Variants in APRT observed in about 807,000 individuals in gnomAD.
APRT encodes the protein AMP diphosphorylase.
A neutral mutation model predicts 21.0 loss-of-function variants in APRT; 25 were observed. The ratio of observed to expected loss-of-function variants is 1.19; its 90% confidence interval spans 0.87 to 1.66. The LOEUF (loss-of-function observed/expected upper bound fraction) is 1.66. APRT is among the 40% of genes most tolerant of loss of function. APRT has a pLI of 0.00. For synonymous variants in APRT, 153 were observed against 109.0 expected, an observed-to-expected ratio of 1.40 and a Z score of -2.52; for missense variants, 294 against 232.7, an observed-to-expected ratio of 1.26 and a Z score of -1.72.
chr16:88,810,130 T>G lies in APRT; in HGVS notation c.340A>C (p.Lys114Gln). Reference protein sequence around the residue: ...EYGKAELEIQKDALEPGQRVV... With the variant: ...EYGKAELEIQQDALEPGQRVV... ...CTCTGTCCTGGCTCCAGGGCGTCTT[T>G]CTGAATCTCCAGCTCAGCCTGGAGT... The change falls in exon 4 of 5, where the codon AAA (lysine) becomes CAA (glutamine). Residue 114 changes from lysine to glutamine, a missense_variant. Coordinates refer to ENST00000378364, the MANE Select transcript of APRT (RefSeq NM_000485.3). The G allele has an allele frequency of 6.2e-7, 1 of 1,613,214 alleles. No individual in the cohort carries two copies. The highest frequency in any genetic ancestry group is 8.5e-7 in the Non-Finnish European group (1 of 1,180,010).
chr16:88,811,786 GTC>G, intron 1 of APRT, 32 bp downstream of exon 1: 1 of 1,537,764 alleles, frequency 6.5e-7, no homozygotes, highest in South Asian at 1.2e-5. Context: ...AGGCCCGCAG[GTC>G]GGGGCGCCAC....
intron 2 of APRT, 56 bp from the exon 3 acceptor site, chr16:88,810,612 G>T: frequency 1.3e-6 from 2 of 1,593,246 alleles, no homozygotes; most frequent in Middle Eastern, 3.4e-4. Flanking sequence ...CAGGGGCCAG[G>T]GTTGGCCGGT....
At chr16:88,811,526 T>C (rs955359212) in intron 2 of APRT, 24 bp downstream of exon 2, 8 of 1,564,358 alleles carry the variant, frequency 5.1e-6, no homozygotes, top group Non-Finnish European at 6.9e-6. Context: ...GGAAGCGCCC[T>C]AGATGCGGCC....
rs190222469 is a variant in APRT, at chr16:88,809,454, G to A, written c.*244C>T. On this transcript the variant is annotated 3_prime_UTR_variant, in exon 5 of 5. Transcript: ENST00000378364. ...GGCTCCCTGCCCTGGGGAACAGGAG[G>A]ACAGGAGACGGCTCTTGTGGGAAAG... 4 of 646,520 alleles carry A rather than the reference G, an allele frequency of 6.2e-6. No individual in the cohort carries two copies. The highest frequency in any genetic ancestry group is 5.4e-5 in the African/African-American group (3 of 56,032). The allele number at this position is 646,520 out of a possible 1,614,324, so 40.0% of individuals were successfully genotyped here.
chr16:88,810,650 C>G, intron 2 of APRT, 94 bp from the exon 3 acceptor site: 1 of 1,471,982 alleles, frequency 6.8e-7, no homozygotes, highest in East Asian at 2.4e-5. Context: ...TGGCTCCCAG[C>G]TGAAAGGCCA....
rs1231847220 is a variant in APRT at position 88,811,570 on chromosome 16, C to G, written c.167G>C (p.Gly56Ala). The change falls in exon 2 of 5, where the codon GGC becomes GCC. Residue 56 changes from glycine (G) to alanine (A), a missense_variant. Gly to Ala is a moderately conservative substitution (Grantham distance 60). Coordinates refer to ENST00000378364, the MANE Select transcript of APRT (RefSeq NM_000485.3). ...CTCGCCTGCGATGTAGTCGATGCGG[C>G]CCCCGTGGGTCGCCTTCAGGTGTCG... The part of the protein sequence containing the change: ...LARHLKATHG[G>A]RIDYIAGLDS... The G allele has an allele frequency of 1.3e-6, 2 of 1,599,628 alleles. No individual in the cohort carries two copies. Among genetic ancestry groups the G allele is most frequent in the African/African-American group, 1.3e-5 (1 of 74,782 alleles).
chr16:88,809,480 C>G lies in APRT; in HGVS notation c.*218G>C. 2 of 747,490 alleles carry G rather than the reference C, an allele frequency of 2.7e-6. No homozygotes were observed. The highest frequency in any genetic ancestry group is 4.6e-6 in the Non-Finnish European group (2 of 435,484). 46.3% of individuals were successfully genotyped at this position (747,490 alleles called of 1,614,324 possible). On this transcript the variant is annotated 3_prime_UTR_variant, in exon 5 of 5. Transcript: ENST00000378364. Reference sequence around the variant, plus strand: ...ACAGGAGACGGCTCTTGTGGGAAAGCTGTTTACTGCGTTCTCCCGCTGTGT... The same window carrying G: ...ACAGGAGACGGCTCTTGTGGGAAAGGTGTTTACTGCGTTCTCCCGCTGTGT...
At position 88,809,695 on chromosome 16, in the gene APRT, T is replaced by C. The variant is rs2070256; in HGVS notation, c.*3A>G. The C allele has an allele frequency of 9.9e-3, 16,039 of 1,613,260 alleles. 1,337 individuals are homozygous for C. The African/African-American group carries it at 0.19, about 19-fold the overall frequency. ...GGAGATGTTGGGCTGGGAGGCCCTG[T>C]GGTCACTCATACTGCAGGAGAGAGA... is the stretch of plus-strand genomic sequence containing the variant. On this transcript the variant is annotated 3_prime_UTR_variant, in exon 5 of 5. Transcript: ENST00000378364.
rs140070863 is a variant in APRT at position 88,809,722 on chromosome 16, G to C, written c.519C>G (p.Phe173Leu). 1.9e-6 allele frequency: 3 copies of C among 1,613,314 alleles called. No individual in the cohort carries two copies. In the African/African-American group the frequency reaches 4.0e-5, roughly 22 times the overall value. ...KGREKLAPVP[F>L]FSLLQYE ...GTCACTCATACTGCAGGAGAGAGAAGAAGGGTACAGGTGCCAGCTTCTCCC... is the reference window on the plus strand; with the variant it reads ...GTCACTCATACTGCAGGAGAGAGAACAAGGGTACAGGTGCCAGCTTCTCCC... The change falls in exon 5 of 5, where the codon TTC (phenylalanine) becomes TTG (leucine). Residue 173 changes from phenylalanine to leucine, a missense_variant. By Grantham distance (22) the Phe-to-Leu change is conservative. Coordinates refer to ENST00000378364, the MANE Select transcript of APRT (RefSeq NM_000485.3).
rs374275550 is a variant in APRT at position 88,809,684 on chromosome 16, G to A, written c.*14C>T. ...GGGATCCAGCTGGAGATGTTGGGCT[G>A]GGAGGCCCTGTGGTCACTCATACTG... On this transcript the variant is annotated 3_prime_UTR_variant, in exon 5 of 5. Coordinates refer to ENST00000378364, the MANE Select transcript of APRT (RefSeq NM_000485.3). 1 of 1,613,060 alleles carries A rather than the reference G, an allele frequency of 6.2e-7. No homozygotes were observed. The highest frequency in any genetic ancestry group is 1.3e-5 in the African/African-American group (1 of 74,932).
chr16:88,811,753 G>C (rs552374268), intron 1 of APRT, 67 bp downstream of exon 1: 24 of 1,507,828 alleles, frequency 1.6e-5, no homozygotes, highest in Non-Finnish European at 2.1e-5. Flanking sequence ...CCCGGAGGTC[G>C]CGGGCCACGC....
At position 88,809,843 on chromosome 16, in the gene APRT, GGGGATGGGA is replaced by G; in HGVS notation, c.401-12_401-4del. 1 of 1,610,718 alleles carries G rather than the reference GGGGATGGGA, an allele frequency of 6.2e-7. No homozygotes were observed. Among genetic ancestry groups the G allele is most frequent in the South Asian group, 1.1e-5 (1 of 91,054 alleles). On this transcript the variant is annotated splice_polypyrimidine_tract_variant and splice_region_variant and intron_variant, in intron 4 of 4. Transcript: ENST00000378364. ...CTCACAGGCAGCGTTCATGGTTCCT[GGGGATGGGA>G]GGGTGAGGTCCCCAGTTGGCCTGGG...
chr16:88,811,419 G>T, intron 2 of APRT, 131 bp downstream of exon 2: 1 of 995,826 alleles, frequency 1.0e-6, no homozygotes, highest in Non-Finnish European at 1.5e-6. Flanking sequence ...GGCGACCCAA[G>T]CACGGCGCCC....
chr16:88,810,656 G>A, intron 2 of APRT, 100 bp from the exon 3 acceptor site: 9 of 1,441,932 alleles, frequency 6.2e-6, no homozygotes, highest in South Asian at 1.2e-5. Flanking sequence ...CCAGCTGAAA[G>A]GCCAGTGACA....
chr16:88,809,776 G>A lies in APRT; in HGVS notation c.465C>T (p.Ser155=). The A allele has an allele frequency of 6.2e-7, 1 of 1,613,284 alleles. No individual in the cohort carries two copies. Among genetic ancestry groups the A allele is most frequent in the Non-Finnish European group, 8.5e-7 (1 of 1,180,016 alleles). ...CCTTAAGCGAGGTCAGCTCCACCAG[G>A]CTCACGCACTCCAGGACCTCAGCCT... is the stretch of plus-strand genomic sequence containing the variant. ...RLQAEVLECV[S]LVELTSLKGR... Residue 155 remains serine, a synonymous_variant, in exon 5 of 5, where the codon AGC becomes AGT. Transcript: ENST00000378364.
In APRT at chr16:88,809,409, G is replaced by T; in HGVS notation, c.*289C>A. The T allele has an allele frequency of 1.8e-6, 1 of 556,146 alleles. No homozygotes were observed. Among genetic ancestry groups the T allele is most frequent in the Non-Finnish European group, 3.4e-6 (1 of 292,456 alleles). 34.5% of individuals were successfully genotyped at this position (556,146 alleles called of 1,614,324 possible). A position where few individuals can be genotyped will look rare whatever the true frequency, so the allele number is the denominator to read the frequency against. On this transcript the variant is annotated 3_prime_UTR_variant, in exon 5 of 5. Coordinates refer to ENST00000378364, the MANE Select transcript of APRT (RefSeq NM_000485.3). ...AGCAGCACATGCCCACAGTACAGCT[G>T]AAGTCTGGTGTTGTCCTGGGGCTCC...
At chr16:88,809,950 C>T in intron 4 of APRT, 110 bp from the exon 5 acceptor site, 1 of 1,572,386 alleles carries the variant, frequency 6.4e-7, no homozygotes, top group Non-Finnish European at 8.7e-7. Flanking sequence ...AAGGTGTCGG[C>T]CTGGCCACCA....
Position 88,809,366 on chromosome 16 carries a change from C to T in APRT, c.*332G>A. The T allele has an allele frequency of 2.1e-6, 1 of 481,980 alleles. No individual in the cohort carries two copies. The allele number at this position is 481,980 out of a possible 1,614,324, so 29.9% of individuals were successfully genotyped here. A position where few individuals can be genotyped will look rare whatever the true frequency, so the allele number is the denominator to read the frequency against. On this transcript the variant is annotated 3_prime_UTR_variant, in exon 5 of 5. Transcript: ENST00000378364. ...CCTGAGGTGAGAACCAGGACAGGTTCTGCTGGGCATCACGCCAAGCAGCAC... is the reference window on the plus strand; with the variant it reads ...CCTGAGGTGAGAACCAGGACAGGTTTTGCTGGGCATCACGCCAAGCAGCAC...
chr16:88,809,620 C>T lies in APRT; in HGVS notation c.*78G>A, dbSNP rs1909027397. ...ATGTGTTCCCTGTGGGCAGCCGGTGCCCCTGGTCACTGCAGTTGCCCAAGG... is the reference window on the plus strand; with the variant it reads ...ATGTGTTCCCTGTGGGCAGCCGGTGTCCCTGGTCACTGCAGTTGCCCAAGG... On this transcript the variant is annotated 3_prime_UTR_variant, in exon 5 of 5. Transcript: ENST00000378364. The T allele has an allele frequency of 6.3e-6, 10 of 1,597,474 alleles. No individual in the cohort carries two copies. Among genetic ancestry groups the T allele is most frequent in the South Asian group, 1.1e-5 (1 of 90,498 alleles).
Sources: allele counts gnomAD v4.1 joint callset, GRCh38; gene constraint gnomAD v4.1.1; transcripts MANE v1.5; gene names NCBI Gene and HGNC (gene_info 2026-07-23, HGNC 2026-07-21).